The following ZNF536 variants were observed in gnomAD, a reference collection of about 807,000 sequenced individuals.
ZNF536 encodes zinc finger protein 536.
ZNF536 carries 13 observed loss-of-function variants against 84.5 expected under a neutral mutation model. That is an observed-to-expected ratio of 0.15 (90% CI 0.10 to 0.24). The LOEUF is 0.24. Ranked by LOEUF, ZNF536 falls within the 10% of genes least tolerant of loss-of-function variation. ZNF536 has a pLI of 1.00. For synonymous variants in ZNF536, 811 were observed against 742.5 expected, an observed-to-expected ratio of 1.09 and a Z score of -1.50; for missense variants, 1,536 against 1,747.5, an observed-to-expected ratio of 0.88 and a Z score of 2.16.
intron 2 of ZNF536, among the ~76,000 whole-genome samples, chr19:30,533,541 A>T (rs1032566377): frequency 2.6e-5 from 4 of 152,114 alleles, no homozygotes; most frequent in Middle Eastern, 3.2e-3. Flanking sequence ...AAAAGAATTA[A>T]ATGTGTTGTC....
At chr19:30,527,626 G>A (rs1039527970) in intron 2 of ZNF536, among the ~76,000 whole-genome samples, 1 of 150,998 alleles carries the variant, frequency 6.6e-6, no homozygotes, top group African/African-American at 2.4e-5. Flanking sequence ...ATACTGACCC[G>A]AGGCATGAGT....
chr19:30,474,294 A>G (rs1259502535), intron 2 of ZNF536, among the ~76,000 whole-genome samples: 1 of 152,010 alleles, frequency 6.6e-6, no homozygotes, highest in East Asian at 1.9e-4. Context: ...GGGACCAGCT[A>G]GAGGCTCATA....
At chr19:30,451,263 C>T (rs889536257) in intron 2 of ZNF536, among the ~76,000 whole-genome samples, 2 of 152,252 alleles carry the variant, frequency 1.3e-5, no homozygotes, top group Non-Finnish European at 2.9e-5. Flanking sequence ...CCTGCTCGTG[C>T]CGGGATCGCC....
intron 1 of ZNF536, among the ~76,000 whole-genome samples, chr19:30,574,266 G>A (rs2046651570): frequency 6.6e-6 from 1 of 152,192 alleles, no homozygotes; most frequent in Admixed American, 6.5e-5. Context: ...GCATGGGGGT[G>A]AATTTGCAAT....
intron 1 of ZNF536, among the ~76,000 whole-genome samples, chr19:30,662,885 G>A (rs577457569): frequency 5.3e-5 from 8 of 151,186 alleles, no homozygotes; most frequent in Non-Finnish European, 7.4e-5. Context: ...GAGGATGATG[G>A]AAATAATAAG....
intron 1 of ZNF536, among the ~76,000 whole-genome samples, chr19:30,396,962 T>G (rs1051382525): frequency 6.6e-6 from 1 of 152,162 alleles, no homozygotes; most frequent in African/African-American, 2.4e-5. Flanking sequence ...ACCTCCACCT[T>G]CCTGCAAACC....
intron 1 of ZNF536, among the ~76,000 whole-genome samples, chr19:30,605,348 C>A (rs1323421384): frequency 6.6e-6 from 1 of 152,110 alleles, no homozygotes; most frequent in South Asian, 2.1e-4. Flanking sequence ...AAACCTCCCC[C>A]ACCGCCAAGT....
rs2148164547 is a variant in ZNF536 at position 30,444,014 on chromosome 19, C to T, written c.452C>T (p.Thr151Met). 6.2e-7 allele frequency: 1 copy of T among 1,613,702 alleles called. No individual in the cohort carries two copies. The highest frequency in any genetic ancestry group is 8.5e-7 in the Non-Finnish European group (1 of 1,180,018). Residue 151 changes from threonine (T) to methionine (M), a missense_variant, in exon 2 of 5, where the codon ACG becomes ATG. Thr to Met is a moderately conservative substitution (Grantham distance 81). Transcript: ENST00000355537. ...AGCATCCTCTCCCTGCACATGCGCACGCACACGGGCGAGAAGCCCTTCAAG... is the reference window on the plus strand; with the variant it reads ...AGCATCCTCTCCCTGCACATGCGCATGCACACGGGCGAGAAGCCCTTCAAG... ...FNSILSLHMR[T>M]HTGEKPFKCP...
intron 1 of ZNF536, among the ~76,000 whole-genome samples, chr19:30,432,041 G>A (rs181403013): frequency 2.1e-5 from 3 of 143,640 alleles, no homozygotes; most frequent in African/African-American, 5.3e-5. Flanking sequence ...ACACAGGCAC[G>A]CACAGAGAGA....
Position 30,531,869 on chromosome 19 carries a change from C to T in ZNF536, c.2171-2978C>T, listed in dbSNP as rs151285089. Among the ~76,000 whole-genome samples the T allele has an allele frequency of 2.9e-3, 445 of 152,156 alleles. 2 individuals carry two copies. The highest frequency in any genetic ancestry group is 0.01 in the African/African-American group (420 of 41,516). ...GGAACTCCTGACCTCAAGTGATCTA[C>T]CCACCTCGGTGTCCCAAAGTGCCAG... On this transcript the variant is annotated intron_variant, in intron 2 of 4. Coordinates refer to ENST00000355537, the MANE Select transcript of ZNF536 (RefSeq NM_014717.3).
intron 2 of ZNF536, among the ~76,000 whole-genome samples, chr19:30,340,024 T>C (rs1437788684): frequency 6.6e-6 from 1 of 152,138 alleles, no homozygotes; most frequent in Non-Finnish European, 1.5e-5. Flanking sequence ...CCATGAATCC[T>C]GTCCTGGGCC....
chr19:30,446,651 T>A (rs1244869681), intron 2 of ZNF536, among the ~76,000 whole-genome samples: 1 of 152,186 alleles, frequency 6.6e-6, no homozygotes, highest in Non-Finnish European at 1.5e-5. Context: ...TTTGGAAAAG[T>A]ACAGGCATTT....
At chr19:30,558,754 G>T (rs962683988), downstream of ZNF536, among the ~76,000 whole-genome samples, 2 of 152,122 alleles carry the variant, frequency 1.3e-5, no homozygotes, top group Admixed American at 6.5e-5. Context: ...GTGTTTCCAA[G>T]CTTCTTTGCT....
At chr19:30,310,012 C>T (rs1296408293) in intron 2 of ZNF536, among the ~76,000 whole-genome samples, 1 of 152,044 alleles carries the variant, frequency 6.6e-6, no homozygotes, top group Non-Finnish European at 1.5e-5. Context: ...GAGGCTGCCC[C>T]ATCAGAGTCC....
intron 1 of ZNF536, among the ~76,000 whole-genome samples, chr19:30,565,675 T>C (rs577266639): frequency 6.6e-6 from 1 of 152,296 alleles, no homozygotes; most frequent in East Asian, 1.9e-4. Flanking sequence ...AGGTGATTTT[T>C]AAACCCTCAC....
chr19:30,290,565 C>T (rs1306339187), intron 2 of ZNF536, among the ~76,000 whole-genome samples: 2 of 152,190 alleles, frequency 1.3e-5, no homozygotes, highest in African/African-American at 4.8e-5. Flanking sequence ...AGTCACTGCA[C>T]CCGGCCCCCT....
In ZNF536 at chr19:30,444,702, G is replaced by C. The variant is rs1233492792; in HGVS notation, c.1140G>C (p.Arg380=). ...SFEHCCQICG[R]RFKEPWFLKN... is the part of the protein sequence containing the mutation. The stretch of plus-strand genomic sequence containing the variant: ...AGCACTGCTGCCAGATCTGCGGCCG[G>C]CGCTTCAAGGAGCCCTGGTTCCTCA... The change falls in exon 2 of 5, where the codon CGG becomes CGC. Residue 380 remains arginine (R), a synonymous_variant. Transcript: ENST00000355537. The C allele has an allele frequency of 6.2e-7, 1 of 1,613,964 alleles. No homozygotes were observed. The highest frequency in any genetic ancestry group is 2.2e-5 in the East Asian group (1 of 44,862).
At chr19:30,538,846 C>A (rs2045201169) in intron 3 of ZNF536, among the ~76,000 whole-genome samples, 1 of 152,092 alleles carries the variant, frequency 6.6e-6, no homozygotes, top group Non-Finnish European at 1.5e-5. Flanking sequence ...AAATTCAGAG[C>A]CCATTATTGC....
chr19:30,405,680 C>T (rs968506826), intron 1 of ZNF536, among the ~76,000 whole-genome samples: 22 of 152,078 alleles, frequency 1.4e-4, no homozygotes, highest in African/African-American at 4.1e-4. Flanking sequence ...TGTGATCAGT[C>T]GCCACACCCG....
Sources: gnomAD v4.1 joint callset for allele counts (sites outside exome capture counted in the v4.1 genomes callset) on GRCh38, gnomAD v4.1.1 for gene constraint, MANE v1.5 for transcripts, NCBI Gene and HGNC (gene_info 2026-07-23, HGNC 2026-07-21) for gene names.